The following ATP6V1B1 variants were observed in gnomAD, a reference collection of about 807,000 sequenced individuals.
ATP6V1B1 encodes the protein V-type proton ATPase subunit B, kidney isoform.
A neutral mutation model predicts 62.1 loss-of-function variants in ATP6V1B1; 41 were observed. That is an observed-to-expected ratio of 0.66 (90% CI 0.51 to 0.86). The LOEUF is 0.86. Among genes scored for constraint, ATP6V1B1 ranks in the 40% least tolerant of loss-of-function variants. The pLI, the probability that ATP6V1B1 is intolerant of heterozygous loss-of-function variation, is 0.00. For missense variants in ATP6V1B1, 651 were observed against 697.5 expected (o/e 0.93, Z 0.75); for synonymous variants, 253 against 273.4 (o/e 0.93, Z 0.74).
intron 1 of ATP6V1B1, among the ~76,000 whole-genome samples, chr2:70,937,513 C>T (rs1472256210): frequency 6.6e-6 from 1 of 151,958 alleles, no homozygotes; most frequent in Non-Finnish European, 1.5e-5. Context: ...CGGATACTCC[C>T]TAGGCCAAAG....
chr2:70,955,748 C>T (rs1183380864), intron 2 of ATP6V1B1, among the ~76,000 whole-genome samples: 1 of 152,160 alleles, frequency 6.6e-6, no homozygotes, highest in African/African-American at 2.4e-5. Flanking sequence ...AATTTCAACT[C>T]TGCTAGGCAA....
At position 70,962,859 on chromosome 2, in the gene ATP6V1B1, A is replaced by G. The variant is rs1553420353; in HGVS notation, c.868A>G (p.Ile290Val). The G allele has an allele frequency of 6.2e-7, 1 of 1,614,200 alleles. No homozygotes were observed. The highest frequency in any genetic ancestry group is 1.7e-5 in the Admixed American group (1 of 60,030). Residue 290 changes from isoleucine (I) to valine (V), a missense_variant, in exon 9 of 14, where the codon ATA becomes GTA. By Grantham distance (29) the Ile-to-Val change is conservative. Transcript: ENST00000234396. ...AYQCEKHVLV[I>V]LTDMSSYAEA... is the part of the protein sequence containing the mutation. ...CCAGTGTGAGAAGCATGTGCTGGTC[A>G]TACTGACGGACATGAGTTCCTATGC...
Position 70,938,787 on chromosome 2 carries a change from G to C in ATP6V1B1, c.118+2715G>C, listed in dbSNP as rs544533872. Reference sequence around the variant, plus strand: ...CATCTGTTTGGGCAGAAGATGTTGGGCTTGGAGGGTGGAGGTGCCCAGCAG... The same window carrying C: ...CATCTGTTTGGGCAGAAGATGTTGGCCTTGGAGGGTGGAGGTGCCCAGCAG... On this transcript the variant is annotated intron_variant, in intron 1 of 13. Coordinates refer to ENST00000234396, the MANE Select transcript of ATP6V1B1 (RefSeq NM_001692.4). 1.0e-5 allele frequency: 10 copies of C among 985,412 alleles called. No individual in the cohort carries two copies. The East Asian group carries it at 1.0e-3, about 101-fold the overall frequency. The allele number at this position is 985,412 out of a possible 1,614,324, so 61.0% of individuals were successfully genotyped here.
At chr2:70,958,510 A>T in intron 4 of ATP6V1B1, 84 bp downstream of exon 4, 1 of 1,280,326 alleles carries the variant, frequency 7.8e-7, no homozygotes, top group South Asian at 1.2e-5. Context: ...AGCACACTAC[A>T]CTGTCACTTC....
chr2:70,936,240 C>G (rs1397193621), intron 1 of ATP6V1B1, among the ~76,000 whole-genome samples, 168 bp downstream of exon 1: 1 of 152,108 alleles, frequency 6.6e-6, no homozygotes, highest in African/African-American at 2.4e-5. Context: ...CCACCTGGAC[C>G]AGAGGCCACC....
At chr2:70,944,266 GT>G in intron 2 of ATP6V1B1, 1 of 1,273,462 alleles carries the variant, frequency 7.9e-7, no homozygotes, top group South Asian at 1.3e-5. Flanking sequence ...TAAGTGGGCT[GT>G]GGGCTATTTT....
chr2:70,940,427 T>C (rs1397303463), intron 1 of ATP6V1B1: 6 of 981,190 alleles, frequency 6.1e-6, no homozygotes, highest in Non-Finnish European at 7.2e-6. Flanking sequence ...AGGTGTGGCA[T>C]GCAAGATGCC....
Position 70,957,728 on chromosome 2 carries a change from C to T in ATP6V1B1, c.175-318C>T, listed in dbSNP as rs533164521. 44 of 386,878 alleles carry T rather than the reference C, an allele frequency of 1.1e-4. 1 individual carries two copies. Among genetic ancestry groups the T allele is most frequent in the South Asian group, 7.0e-4 (32 of 45,948 alleles). The allele number at this position is 386,878 out of a possible 1,614,324, so 24.0% of individuals were successfully genotyped here. A position where few individuals can be genotyped will look rare whatever the true frequency, so the allele number is the denominator to read the frequency against. ...GTTATTATTATCCACATTTTAAAGACGAGGAAACTAAACCTCATTACTTAT... is the reference window on the plus strand; with the variant it reads ...GTTATTATTATCCACATTTTAAAGATGAGGAAACTAAACCTCATTACTTAT... On this transcript the variant is annotated intron_variant, in intron 2 of 13. Transcript: ENST00000234396.
intron 2 of ATP6V1B1, chr2:70,957,629 A>C (rs1572918957): frequency 3.2e-6 from 1 of 308,354 alleles, no homozygotes; most frequent in East Asian, 8.2e-5. Context: ...GGTTTTACAA[A>C]GTGCCAGGCA....
Position 70,963,693 on chromosome 2 carries a change from A to C in ATP6V1B1, c.1143+39A>C. 1 of 1,595,170 alleles carries C rather than the reference A, an allele frequency of 6.3e-7. No homozygotes were observed. Among genetic ancestry groups the C allele is most frequent in the Non-Finnish European group, 8.6e-7 (1 of 1,162,916 alleles). On this transcript the variant is annotated intron_variant, in intron 11 of 13. Coordinates refer to ENST00000234396, the MANE Select transcript of ATP6V1B1 (RefSeq NM_001692.4). The surrounding 1 kb of genome is among the most constrained non-coding windows in gnomAD (Gnocchi z 4.3). ...CCTACCCACTTCCTGCTCTCAGCCC[A>C]GAGAAACACTGAGGAACAGATGTTT...
chr2:70,947,884 G>T (rs1243999505), intron 2 of ATP6V1B1, among the ~76,000 whole-genome samples: 1 of 152,150 alleles, frequency 6.6e-6, no homozygotes, highest in African/African-American at 2.4e-5. Context: ...ATGCGGCTGG[G>T]AAATAGGGCC....
chr2:70,954,068 CA>C (rs1680379212), intron 2 of ATP6V1B1, among the ~76,000 whole-genome samples: 1 of 152,026 alleles, frequency 6.6e-6, no homozygotes, highest in African/African-American at 2.4e-5. Context: ...TTCAGCTTTT[CA>C]AAAAACCAAT....
Position 70,945,699 on chromosome 2 carries a change from G to GATATATATATAT in ATP6V1B1, c.174+1987_174+1988insTATATATATATA, listed in dbSNP as rs1450719874. Among the ~76,000 whole-genome samples, 181 of 70,088 alleles carry GATATATATATAT rather than the reference G, an allele frequency of 2.6e-3. 24 individuals carry two copies. Among genetic ancestry groups the GATATATATATAT allele is most frequent in the East Asian group, 3.9e-3 (8 of 2,026 alleles). The allele number at this position is 70,088 out of a possible 152,430, so 46.0% of individuals were successfully genotyped here. ...AGTATCCTCTTTCTGGCTATTTGAAGAGATATATATATATATATATATATA... is the reference window on the plus strand; with the variant it reads ...AGTATCCTCTTTCTGGCTATTTGAAGATATATATATATAGATATATATATATATATATATATA... On this transcript the variant is annotated intron_variant, in intron 2 of 13. Coordinates refer to ENST00000234396, the MANE Select transcript of ATP6V1B1 (RefSeq NM_001692.4).
At position 70,938,534 on chromosome 2, in the gene ATP6V1B1, G is replaced by A. The variant is rs535380876; in HGVS notation, c.118+2462G>A. 2.2e-5 allele frequency: 22 copies of A among 985,020 alleles called. No homozygotes were observed. In the East Asian group the frequency reaches 1.0e-3, roughly 46 times the overall value. 61.0% of individuals were successfully genotyped at this position (985,020 alleles called of 1,614,324 possible). A position where few individuals can be genotyped will look rare whatever the true frequency, so the allele number is the denominator to read the frequency against. ...GGTGACTTAGGCATTCCCCTCCCCC[G>A]GGGGAGGTGGGCTAAAGAGGCCTGA... On this transcript the variant is annotated intron_variant, in intron 1 of 13. Transcript: ENST00000234396.
Position 70,964,647 on chromosome 2 carries a change from C to T in ATP6V1B1, c.1249-89C>T, listed in dbSNP as rs2270263. The T allele has an allele frequency of 0.41, 664,939 of 1,611,432 alleles. 142,377 individuals carry two copies. Among genetic ancestry groups the T allele is most frequent in the East Asian group, 0.66 (29,626 of 44,846 alleles). ...CTTTTCTCCTGGCAAAATTCCTTTC[C>T]GAACGGGGTCCCAGTGTGGCCAGGT... is the stretch of plus-strand genomic sequence containing the variant. On this transcript the variant is annotated intron_variant, in intron 12 of 13. Coordinates refer to ENST00000234396, the MANE Select transcript of ATP6V1B1 (RefSeq NM_001692.4).
rs1179079065 is a variant in ATP6V1B1 at position 70,935,949 on chromosome 2, T to A, written c.-6T>A. ...AGACACTGGGCTCCCAGCTGGGGAC[T>A]GCTCCATGGCCATGGAGATAGACAG... On this transcript the variant is annotated 5_prime_UTR_variant, in exon 1 of 14. Coordinates refer to ENST00000234396, the MANE Select transcript of ATP6V1B1 (RefSeq NM_001692.4). 6.2e-7 allele frequency: 1 copy of A among 1,610,000 alleles called. No individual in the cohort carries two copies. The highest frequency in any genetic ancestry group is 8.5e-7 in the Non-Finnish European group (1 of 1,177,154).
intron 6 of ATP6V1B1, 96 bp from the exon 7 acceptor site, chr2:70,960,825 G>T: frequency 9.7e-7 from 1 of 1,025,924 alleles, no homozygotes; most frequent in Non-Finnish European, 1.4e-6. Context: ...TCTGGGCTTG[G>T]ATCCCTCCCA....
Position 70,964,724 on chromosome 2 carries a change from C to T in ATP6V1B1, c.1249-12C>T. ...GCCCGCAGCGGCCACCGACGCCTTG[C>T]CCCTCCCCCAGTACGCCTGCTATGC... On this transcript the variant is annotated splice_polypyrimidine_tract_variant and intron_variant, in intron 12 of 13. Coordinates refer to ENST00000234396, the MANE Select transcript of ATP6V1B1 (RefSeq NM_001692.4). The T allele has an allele frequency of 6.2e-7, 1 of 1,613,380 alleles. No homozygotes were observed. Among genetic ancestry groups the T allele is most frequent in the African/African-American group, 1.3e-5 (1 of 75,034 alleles).
intron 2 of ATP6V1B1, chr2:70,944,102 C>G: frequency 7.8e-7 from 1 of 1,281,520 alleles, no homozygotes; most frequent in African/African-American, 1.5e-5. Context: ...TCCCCACCCT[C>G]GACTCTCACA....
Sources: allele counts gnomAD v4.1 joint callset (sites outside exome capture counted in the v4.1 genomes callset), GRCh38; gene constraint gnomAD v4.1.1; non-coding constraint Gnocchi (gnomAD v3.1); transcripts MANE v1.5; gene names NCBI Gene and HGNC (gene_info 2026-07-23, HGNC 2026-07-21).